Variants in OR4E2 observed in about 807,000 individuals in gnomAD.
OR4E2 encodes the protein olfactory receptor family 4 subfamily E member 2, also known as olfactory receptor 4E2.
A neutral mutation model predicts 11.0 loss-of-function variants in OR4E2; 9 were observed. The observed-to-expected ratio is 0.82, with a 90% CI of 0.49 to 1.43. The LOEUF is 1.43. Ranked by LOEUF, OR4E2 falls within the 40% of genes most tolerant of loss-of-function variation. The pLI is 0.00. For missense variants in OR4E2, 441 were observed against 382.0 expected (o/e 1.15, Z -1.29); for synonymous variants, 159 against 147.3 (o/e 1.08, Z -0.57).
At position 21,667,362 on chromosome 14, in the gene OR4E2, T is replaced by G. The variant is rs1880701313; in HGVS notation, c.*1338T>G. ...CATTACAGACATACACAATACAGAG[T>G]GAGTGACCCACTAACTCTAACTAAA... On this transcript the variant is annotated 3_prime_UTR_variant, in exon 4 of 4. Transcript: ENST00000641524. 6.6e-6 allele frequency: 1 copy of G among 151,884 alleles called. No individual in the cohort carries two copies. The highest frequency in any genetic ancestry group is 1.5e-5 in the Non-Finnish European group (1 of 67,968). The allele number at this position is 151,884 out of a possible 1,614,324, so 9.4% of individuals were successfully genotyped here. A position where few individuals can be genotyped will look rare whatever the true frequency, so the allele number is the denominator to read the frequency against.
At chr14:21,659,238 T>A (rs1012568348) in intron 2 of OR4E2, among the ~76,000 whole-genome samples, 2 of 152,206 alleles carry the variant, frequency 1.3e-5, no homozygotes, top group African/African-American at 4.8e-5. Context: ...TGTCACTATG[T>A]TGCCCAGGCT....
rs1326075958 is a variant in OR4E2, at chr14:21,665,752, T to C, written c.670T>C (p.Ser224Pro). The change falls in exon 4 of 4, where the codon TCT becomes CCT. Residue 224 changes from serine (S) to proline (P), a missense_variant. By Grantham distance (74) the Ser-to-Pro change is moderately conservative (BLOSUM62 -1). Coordinates refer to ENST00000641524, the MANE Select transcript of OR4E2 (RefSeq NM_001001912.3). ...VVTSYMVILVSLRKHSAEGRR... is the reference protein window; with the variant it reads ...VVTSYMVILVPLRKHSAEGRR... ...CACCTCCTATATGGTCATCCTGGTT[T>C]CTCTTCGAAAACACTCAGCTGAAGG... 1.1e-5 allele frequency: 17 copies of C among 1,614,160 alleles called. No individual in the cohort carries two copies. Among genetic ancestry groups the C allele is most frequent in the Non-Finnish European group, 1.3e-5 (15 of 1,180,012 alleles).
chr14:21,665,918 C>A lies in OR4E2; in HGVS notation c.836C>A (p.Thr279Asn), dbSNP rs1216290157. ...GTGTCTGTCTTCTACACAGTGGTCACCCCTTTGCTGAATCCCTTCATTTAC... is the reference window on the plus strand; with the variant it reads ...GTGTCTGTCTTCTACACAGTGGTCAACCCTTTGCTGAATCCCTTCATTTAC... ...KVVSVFYTVV[T>N]PLLNPFIYTL... Residue 279 changes from threonine to asparagine, a missense_variant, in exon 4 of 4, where the codon ACC (threonine) becomes AAC (asparagine). By Grantham distance (65) the Thr-to-Asn change is moderately conservative. Transcript: ENST00000641524. 2 of 1,613,146 alleles carry A rather than the reference C, an allele frequency of 1.2e-6. No individual in the cohort carries two copies. The highest frequency in any genetic ancestry group is 1.3e-5 in the African/African-American group (1 of 74,868).
At chr14:21,656,959 G>T (rs982135491) in intron 2 of OR4E2, among the ~76,000 whole-genome samples, 5 of 152,164 alleles carry the variant, frequency 3.3e-5, no homozygotes, top group African/African-American at 9.7e-5. Context: ...AGGTTATGGA[G>T]TCTTGAGGTT....
chr14:21,663,782 C>A (rs1484889263), intron 3 of OR4E2, among the ~76,000 whole-genome samples: 2 of 152,140 alleles, frequency 1.3e-5, no homozygotes, highest in African/African-American at 2.4e-5. Context: ...TAAGCCCAGA[C>A]CTCCACAGGT....
At chr14:21,664,071 A>G (rs1412700431) in intron 3 of OR4E2, among the ~76,000 whole-genome samples, 1 of 152,208 alleles carries the variant, frequency 6.6e-6, no homozygotes, top group Non-Finnish European at 1.5e-5. Context: ...ATACATGTAC[A>G]TGTATCTTTA....
intron 1 of OR4E2, among the ~76,000 whole-genome samples, chr14:21,655,391 C>T (rs2139794340): frequency 6.6e-6 from 1 of 152,240 alleles, no homozygotes; most frequent in South Asian, 2.1e-4. Context: ...CTTACCGGGC[C>T]CCATGGCTCC....
chr14:21,657,440 TTTCCTTCCTTCCTTCC>T (rs555201549), intron 2 of OR4E2, among the ~76,000 whole-genome samples: 9,044 of 76,240 alleles, frequency 0.12, 575 homozygotes, highest in East Asian at 0.21. Flanking sequence ...TTCTTCTTTC[TTTCCTTCCTTCCTTCC>T]TTCCTTCCTT....
At chr14:21,655,540 G>C (rs1051868055) in intron 1 of OR4E2, among the ~76,000 whole-genome samples, 1 of 152,114 alleles carries the variant, frequency 6.6e-6, no homozygotes, top group African/African-American at 2.4e-5. Flanking sequence ...AGGTATGGTG[G>C]CATGTGCTTG....
rs1880705161 is a variant in OR4E2 at position 21,667,455 on chromosome 14, T to A, written c.*1431T>A. ...ATCAGAAGCAGTCTATTCATTAAACTGAGAGATGCTCATGAAAATATCTAA... is the reference window on the plus strand; with the variant it reads ...ATCAGAAGCAGTCTATTCATTAAACAGAGAGATGCTCATGAAAATATCTAA... On this transcript the variant is annotated 3_prime_UTR_variant, in exon 4 of 4. Transcript: ENST00000641524. The A allele has an allele frequency of 6.6e-6, 1 of 152,172 alleles. No individual in the cohort carries two copies. Among genetic ancestry groups the A allele is most frequent in the African/African-American group, 2.4e-5 (1 of 41,452 alleles). 9.4% of individuals were successfully genotyped at this position (152,172 alleles called of 1,614,324 possible). A position where few individuals can be genotyped will look rare whatever the true frequency, so the allele number is the denominator to read the frequency against.
chr14:21,654,687 T>C (rs1246621182), intron 1 of OR4E2, among the ~76,000 whole-genome samples: 1 of 151,968 alleles, frequency 6.6e-6, no homozygotes, highest in African/African-American at 2.4e-5. Flanking sequence ...ATAAGTGGAC[T>C]CAGTTCAAAT....
Position 21,665,388 on chromosome 14 carries a change from C to T in OR4E2, c.306C>T (p.Phe102=). The part of the protein sequence containing the change: ...ISFDNCITQL[F]FLHLFACAEI... ...TTGACAACTGCATCACACAGCTCTT[C>T]TTCCTACATCTCTTTGCCTGTGCCG... The change falls in exon 4 of 4, where the codon TTC becomes TTT. Residue 102 remains phenylalanine (F), a synonymous_variant. Transcript: ENST00000641524. 1 of 1,614,148 alleles carries T rather than the reference C, an allele frequency of 6.2e-7. No individual in the cohort carries two copies. Among genetic ancestry groups the T allele is most frequent in the Non-Finnish European group, 8.5e-7 (1 of 1,180,022 alleles).
chr14:21,665,235 T>C lies in OR4E2; in HGVS notation c.153T>C (p.Phe51=), dbSNP rs777194145. The C allele has an allele frequency of 4.6e-5, 75 of 1,613,990 alleles. No individual in the cohort carries two copies. The Admixed American group carries it at 8.3e-4, about 18-fold the overall frequency. ...GNILIIIATV[F]TPSLHTPMYF... is the part of the protein sequence containing the mutation. The stretch of plus-strand genomic sequence containing the variant: ...TTCTCATCATCATTGCCACAGTCTT[T>C]ACTCCAAGTCTCCATACCCCCATGT... The change falls in exon 4 of 4, where the codon TTT becomes TTC. Residue 51 remains phenylalanine, a synonymous_variant. Coordinates refer to ENST00000641524, the MANE Select transcript of OR4E2 (RefSeq NM_001001912.3).
At chr14:21,662,034 G>A (rs919375081) in intron 3 of OR4E2, among the ~76,000 whole-genome samples, 4 of 152,048 alleles carry the variant, frequency 2.6e-5, no homozygotes, top group Non-Finnish European at 4.4e-5. Flanking sequence ...TTGTTAATCC[G>A]ATGAATGACA....
rs1880651195 is a variant in OR4E2 at position 21,666,353 on chromosome 14, T to C, written c.*329T>C. Reference sequence around the variant, plus strand: ...GTTTCAGGAGCAGGTAGAGTGAGAATTGACTCTCTTGATTTATACTGTTCT... The same window carrying C: ...GTTTCAGGAGCAGGTAGAGTGAGAACTGACTCTCTTGATTTATACTGTTCT... On this transcript the variant is annotated 3_prime_UTR_variant, in exon 4 of 4. Transcript: ENST00000641524. 3.9e-6 allele frequency: 1 copy of C among 256,334 alleles called. No individual in the cohort carries two copies. Among genetic ancestry groups the C allele is most frequent in the Non-Finnish European group, 7.5e-6 (1 of 133,920 alleles). 15.9% of individuals were successfully genotyped at this position (256,334 alleles called of 1,614,324 possible). A position where few individuals can be genotyped will look rare whatever the true frequency, so the allele number is the denominator to read the frequency against.
intron 2 of OR4E2, among the ~76,000 whole-genome samples, chr14:21,657,365 CCTTCCTTCCTTCCTTCCTTCCTTT>C (rs1880010598): frequency 6.9e-6 from 1 of 145,410 alleles, no homozygotes; most frequent in African/African-American, 2.5e-5. Flanking sequence ...TTCCTTCCTT[CCTTCCTTCCTTCCTTCCTTCCTTT>C]CTTTCTTCCT....
chr14:21,654,432 T>C (rs1594540243), intron 1 of OR4E2, among the ~76,000 whole-genome samples: 1 of 146,624 alleles, frequency 6.8e-6, no homozygotes, highest in Non-Finnish European at 1.5e-5. Context: ...ACACGCTGCA[T>C]GCACACACAT....
At chr14:21,658,271 G>T (rs1246341724) in intron 2 of OR4E2, among the ~76,000 whole-genome samples, 1 of 152,156 alleles carries the variant, frequency 6.6e-6, no homozygotes, top group African/African-American at 2.4e-5. Context: ...CCTGTCAAAG[G>T]TTAGAGCGTG....
Position 21,665,837 on chromosome 14 carries a change from G to C in OR4E2, c.755G>C (p.Gly252Ala). ...AHFMVVALFFGPCIFIYTRPD... is the reference protein window; with the variant it reads ...AHFMVVALFFAPCIFIYTRPD... ...TTCATGGTGGTTGCCCTCTTCTTTG[G>C]GCCATGTATCTTCATCTATACTCGG... Residue 252 changes from glycine (G) to alanine (A), a missense_variant, in exon 4 of 4, where the codon GGG becomes GCG. By Grantham distance (60) the Gly-to-Ala change is moderately conservative. Coordinates refer to ENST00000641524, the MANE Select transcript of OR4E2 (RefSeq NM_001001912.3). The C allele has an allele frequency of 1.2e-6, 2 of 1,611,650 alleles. No individual in the cohort carries two copies. Among genetic ancestry groups the C allele is most frequent in the East Asian group, 4.5e-5 (2 of 44,854 alleles).
Sources: allele counts gnomAD v4.1 joint callset (sites outside exome capture counted in the v4.1 genomes callset), GRCh38; gene constraint gnomAD v4.1.1; transcripts MANE v1.5; gene names NCBI Gene and HGNC (gene_info 2026-07-23, HGNC 2026-07-21).